The following STPG2 variants were observed in gnomAD, a reference collection of about 807,000 sequenced individuals.
The protein encoded by STPG2 is sperm tail PG-rich repeat containing 2, also known as sperm-tail PG-rich repeat-containing protein 2.
In STPG2, 56 loss-of-function variants were observed where a neutral mutation model predicts 54.2. That is an observed-to-expected ratio of 1.03 (90% CI 0.83 to 1.29). The LOEUF is 1.29. Among genes scored for constraint, STPG2 ranks in the 50% most tolerant of loss-of-function variants. STPG2 has a pLI of 0.00. For synonymous variants in STPG2, 200 were observed against 181.8 expected (o/e 1.10, Z -0.81); for missense variants, 596 against 544.9 (o/e 1.09, Z -0.93).
chr4:98,064,870 A>C (rs1475181104), intron 5 of STPG2, among the ~76,000 whole-genome samples: 3 of 152,146 alleles, frequency 2.0e-5, no homozygotes, highest in Non-Finnish European at 2.9e-5. Context: ...TCCAAATTAA[A>C]AAATTTTATA....
chr4:98,007,981 T>C (rs894058168), intron 5 of STPG2, among the ~76,000 whole-genome samples: 4 of 152,116 alleles, frequency 2.6e-5, no homozygotes, highest in African/African-American at 9.7e-5. Context: ...TTAAGAATCC[T>C]TGGTATTCCC....
intron 9 of STPG2, among the ~76,000 whole-genome samples, chr4:97,737,744 C>A (rs574320413): frequency 6.6e-6 from 1 of 152,290 alleles, no homozygotes; most frequent in South Asian, 2.1e-4. Context: ...ATCGGTGTAC[C>A]TGAAAGTGAC....
At chr4:97,686,855 T>C (rs1723205016) in intron 10 of STPG2, among the ~76,000 whole-genome samples, 1 of 151,880 alleles carries the variant, frequency 6.6e-6, no homozygotes, top group African/African-American at 2.4e-5. Flanking sequence ...TTTTTATAAC[T>C]AATTTCCCAA....
intron 9 of STPG2, among the ~76,000 whole-genome samples, chr4:97,816,209 CTTATCCTTTTT>C (rs1004412756): frequency 1.3e-5 from 2 of 152,088 alleles, no homozygotes; most frequent in African/African-American, 4.8e-5. Context: ...AGGACATGAA[CTTATCCTTTTT>C]TATGGCTGCA....
chr4:97,643,489 T>C (rs756072555), intron 10 of STPG2, among the ~76,000 whole-genome samples: 2 of 151,744 alleles, frequency 1.3e-5, no homozygotes, highest in African/African-American at 2.4e-5. Context: ...TATGGCATCA[T>C]AGAACAATAG....
chr4:97,565,850 GGTGCCTCC>G (rs1732418776), intron 10 of STPG2, among the ~76,000 whole-genome samples: 1 of 151,948 alleles, frequency 6.6e-6, no homozygotes, highest in Non-Finnish European at 1.5e-5. Context: ...GCTACTGGGG[GGTGCCTCC>G]CAGTTAGGCT....
At position 97,732,683 on chromosome 4, in the gene STPG2, A is replaced by G. The variant is rs78711035; in HGVS notation, c.1205-19869T>C. Among the ~76,000 whole-genome samples, 1,198 of 152,290 alleles carry G rather than the reference A, an allele frequency of 7.9e-3. 13 individuals carry two copies. The highest frequency in any genetic ancestry group is 0.027 in the African/African-American group (1,120 of 41,558). ...GGATGGGAGAAAATATTTGCAAGCT[A>G]CGCATCTGACAAAGCACTGATATCC... is the stretch of plus-strand genomic sequence containing the variant. On this transcript the variant is annotated intron_variant, in intron 9 of 10. Coordinates refer to ENST00000295268, the MANE Select transcript of STPG2 (RefSeq NM_174952.3).
intron 4 of STPG2, among the ~76,000 whole-genome samples, chr4:97,537,427 C>G (rs750575030): frequency 2.0e-5 from 3 of 152,162 alleles, no homozygotes; most frequent in Non-Finnish European, 4.4e-5. Context: ...GGTCCCACAC[C>G]CTCAGAGCCT....
rs1739279637 is a variant in STPG2, at chr4:98,109,306, CTAAAAAATA to C, written c.388-10_388-2del. Reference sequence around the variant, plus strand: ...ATTTCAAAGTTGCATTGGAAACATCCTAAAAAATAAAAAGTTTTAAAAAGTGAGGATGAA... The same window carrying C: ...ATTTCAAAGTTGCATTGGAAACATCCAAAAGTTTTAAAAAGTGAGGATGAA... On this transcript the variant is annotated splice_acceptor_variant and splice_polypyrimidine_tract_variant and intron_variant, in intron 3 of 10. Transcript: ENST00000295268. LOFTEE classifies it high-confidence loss of function. 6 of 1,587,708 alleles carry C rather than the reference CTAAAAAATA, an allele frequency of 3.8e-6. No homozygotes were observed. The highest frequency in any genetic ancestry group is 5.1e-6 in the Non-Finnish European group (6 of 1,166,998).
At chr4:97,973,897 A>C (rs1734419628) in intron 6 of STPG2, among the ~76,000 whole-genome samples, 1 of 152,332 alleles carries the variant, frequency 6.6e-6, no homozygotes, top group Admixed American at 6.5e-5. Flanking sequence ...AGTTAGAGCC[A>C]CCACACAGAG....
Position 97,635,373 on chromosome 4 carries a change from C to G in STPG2, c.1321-76256G>C, listed in dbSNP as rs1306083090. ...CATGGAAAGGAACAACTGGTACTAG[C>G]TGCTGCAAAATCATGCCAAAATGTA... On this transcript the variant is annotated intron_variant, in intron 10 of 10. Transcript: ENST00000295268. Among the ~76,000 whole-genome samples the G allele has an allele frequency of 2.0e-5, 3 of 152,220 alleles. No individual in the cohort carries two copies. The East Asian group carries it at 5.8e-4, about 29-fold the overall frequency.
intron 9 of STPG2, among the ~76,000 whole-genome samples, chr4:97,775,797 T>C (rs1328811511): frequency 6.6e-6 from 1 of 152,176 alleles, no homozygotes; most frequent in Non-Finnish European, 1.5e-5. Flanking sequence ...AAACAGAGTC[T>C]TACTCCAAGG....
intron 5 of STPG2, among the ~76,000 whole-genome samples, chr4:98,069,115 T>A (rs185330485): frequency 6.6e-6 from 1 of 152,188 alleles, no homozygotes; most frequent in East Asian, 1.9e-4. Context: ...GATATGAGTA[T>A]GTTTGTGCAA....
At chr4:97,775,266 G>C (rs977722127) in intron 9 of STPG2, among the ~76,000 whole-genome samples, 2 of 152,064 alleles carry the variant, frequency 1.3e-5, no homozygotes, top group African/African-American at 4.8e-5. Flanking sequence ...TGAAGGTGAA[G>C]AGAATAGGAT....
chr4:97,923,324 G>A (rs577902113), intron 8 of STPG2, among the ~76,000 whole-genome samples: 2 of 71,826 alleles, frequency 2.8e-5, no homozygotes, highest in South Asian at 3.7e-4. Context: ...ATGGGCTCCT[G>A]TGTGGCCCAC....
At chr4:97,545,539 T>C (rs1011439730) in intron 4 of STPG2, among the ~76,000 whole-genome samples, 1 of 151,966 alleles carries the variant, frequency 6.6e-6, no homozygotes, top group Non-Finnish European at 1.5e-5. Flanking sequence ...AGTTAAGTGG[T>C]AGAAATGGAG....
chr4:97,863,939 G>C (rs1195126148), intron 8 of STPG2, among the ~76,000 whole-genome samples: 1 of 152,100 alleles, frequency 6.6e-6, no homozygotes, highest in African/African-American at 2.4e-5. Flanking sequence ...GTATTGATGG[G>C]ATGTATCTAA....
At chr4:97,740,543 T>G (rs1171329994) in intron 9 of STPG2, among the ~76,000 whole-genome samples, 2 of 151,992 alleles carry the variant, frequency 1.3e-5, no homozygotes, top group Non-Finnish European at 2.9e-5. Context: ...TGTACAAAAA[T>G]CACAAGCATT....
rs541803979 is a variant in STPG2, at chr4:97,774,149, T to C, written c.1205-61335A>G. On this transcript the variant is annotated intron_variant, in intron 9 of 10. Coordinates refer to ENST00000295268, the MANE Select transcript of STPG2 (RefSeq NM_174952.3). The stretch of plus-strand genomic sequence containing the variant: ...ATAAGCTTTTGCTTATTAAGCACTT[T>C]GTAGCAGTCCTCAAGATTTGTATTC... Among the ~76,000 whole-genome samples the C allele has an allele frequency of 5.9e-5, 9 of 152,330 alleles. No individual in the cohort carries two copies. The South Asian group carries it at 1.4e-3, about 25-fold the overall frequency.
Sources: allele counts gnomAD v4.1 joint callset (sites outside exome capture counted in the v4.1 genomes callset), GRCh38; gene constraint gnomAD v4.1.1; transcripts MANE v1.5; gene names NCBI Gene and HGNC (gene_info 2026-07-23, HGNC 2026-07-21).